Variants in DNAH7 observed in about 807,000 individuals in gnomAD.
DNAH7 encodes the protein axonemal beta dynein heavy chain 7.
A neutral mutation model predicts 444.6 loss-of-function variants in DNAH7; 397 were observed. The observed-to-expected ratio is 0.89, with a 90% CI of 0.82 to 0.97. The LOEUF (loss-of-function observed/expected upper bound fraction) is 0.97. Ranked by LOEUF, DNAH7 falls within the 50% of genes least tolerant of loss-of-function variation. The pLI is 0.00. For missense variants in DNAH7, 4,902 were observed against 4,800.8 expected (o/e 1.02, Z -0.62); for synonymous variants, 1,636 against 1,624.4 (o/e 1.01, Z -0.17).
chr2:195,994,276 G>T (rs907669792), intron 12 of DNAH7: 2 of 404,574 alleles, frequency 4.9e-6, no homozygotes, highest in South Asian at 5.1e-5. Context: ...TCCACCAGTG[G>T]AAGCTTTTCC....
At position 196,026,772 on chromosome 2, in the gene DNAH7, T is replaced by G; in HGVS notation, c.655A>C (p.Arg219=). The part of the protein sequence containing the change: ...EMREDYLLSV[R]KSIVDFVLKD... The stretch of plus-strand genomic sequence containing the variant: ...AATACCAATTTACCTATGGATTTCC[T>G]TACACTAAGAAGATAATCCTCTCTC... The change falls in exon 7 of 65, where the codon AGG becomes CGG. Residue 219 remains arginine, a synonymous_variant. Transcript: ENST00000312428. The G allele has an allele frequency of 6.2e-7, 1 of 1,609,298 alleles. No individual in the cohort carries two copies. Among genetic ancestry groups the G allele is most frequent in the Non-Finnish European group, 8.5e-7 (1 of 1,176,880 alleles).
chr2:196,026,841 G>T lies in DNAH7; in HGVS notation c.586C>A (p.Leu196Met). ...EHVLDLVPQH[L>M]KVFTDSIVTL... ...ACTATGCTGTCAGTGAAGACTTTCA[G>T]ATGTTGTGGAACTAAATCCAGTACG... Residue 196 changes from leucine (L) to methionine (M), a missense_variant, in exon 7 of 65, where the codon CTG becomes ATG. Transcript: ENST00000312428. 1 of 1,612,508 alleles carries T rather than the reference G, an allele frequency of 6.2e-7. No homozygotes were observed. Among genetic ancestry groups the T allele is most frequent in the South Asian group, 1.1e-5 (1 of 91,018 alleles).
chr2:195,742,471 A>C (rs968094451), intron 63 of DNAH7, among the ~76,000 whole-genome samples: 4 of 152,236 alleles, frequency 2.6e-5, no homozygotes, highest in Admixed American at 2.6e-4. Flanking sequence ...TTCAACACCT[A>C]GAAAAGTGGT....
At chr2:195,813,554 C>T (rs181283993) in intron 51 of DNAH7, among the ~76,000 whole-genome samples, 49 of 152,254 alleles carry the variant, frequency 3.2e-4, no homozygotes, top group African/African-American at 1.0e-3. Context: ...CATACAGATA[C>T]GAAAAGTTTG....
chr2:196,040,356 A>T (rs1696661754), intron 5 of DNAH7, among the ~76,000 whole-genome samples: 1 of 152,148 alleles, frequency 6.6e-6, no homozygotes, highest in Non-Finnish European at 1.5e-5. Flanking sequence ...TAATACATCA[A>T]AAAGATAATA....
intron 48 of DNAH7, among the ~76,000 whole-genome samples, chr2:195,829,515 A>G (rs1020453797): frequency 2.0e-5 from 3 of 152,102 alleles, no homozygotes; most frequent in African/African-American, 7.2e-5. Flanking sequence ...TCATATTTTT[A>G]AAATCTAATT....
chr2:195,987,000 G>A, intron 14 of DNAH7, 66 bp downstream of exon 14: 1 of 1,373,980 alleles, frequency 7.3e-7, no homozygotes, highest in Admixed American at 2.5e-5. Flanking sequence ...TACTCTAGTT[G>A]AGTGACAGCT....
At chr2:195,801,591 A>G (rs1374753772) in intron 54 of DNAH7, among the ~76,000 whole-genome samples, 2 of 152,178 alleles carry the variant, frequency 1.3e-5, no homozygotes, top group African/African-American at 2.4e-5. Context: ...ACACTGCACT[A>G]TGTAGACAAT....
In DNAH7 at chr2:195,962,363, T is replaced by C. The variant is rs574879641; in HGVS notation, c.2206-1418A>G. ...CAATTATACACTTTTGGTTGGTTGG[T>C]TGTTGTTGAGACAGTCTTGCTCTGT... On this transcript the variant is annotated intron_variant, in intron 17 of 64. Transcript: ENST00000312428. Among the ~76,000 whole-genome samples the C allele has an allele frequency of 2.0e-5, 3 of 152,318 alleles. No individual in the cohort carries two copies. In the South Asian group the frequency reaches 6.2e-4, roughly 32 times the overall value.
rs1697605693 is a variant in DNAH7 at position 195,824,259 on chromosome 2, ACTGATGTTTC to A, written c.9277_9286del (p.Glu3093Ter). ...ACATTCATTTTATATACTGGCCTTTACTGATGTTTCAGGAAGATAATGAGGATTTCTTAAC... is the reference window on the plus strand; with the variant it reads ...ACATTCATTTTATATACTGGCCTTTAAGGAAGATAATGAGGATTTCTTAAC... On this transcript the variant is annotated frameshift_variant, in exon 49 of 65. Transcript: ENST00000312428. LOFTEE classifies it high-confidence loss of function. The A allele has an allele frequency of 3.1e-6, 5 of 1,611,542 alleles. No homozygotes were observed. In the African/African-American group the frequency reaches 4.0e-5, roughly 13 times the overall value.
rs67782183 is a variant in DNAH7 at position 195,950,851 on chromosome 2, C to CAAAAAAAAAAAAAAA, written c.3078+6395_3078+6409dup. 6.5e-4 allele frequency among the ~76,000 whole-genome samples: 24 copies of CAAAAAAAAAAAAAAA among 36,718 alleles called. 3 individuals are homozygous for CAAAAAAAAAAAAAAA. The East Asian group carries it at 0.015, about 24-fold the overall frequency. 24.1% of individuals were successfully genotyped at this position (36,718 alleles called of 152,430 possible). ...TAGGCAACAGAGTGGGACTCTGTCTCAAAAAAAAAAAAAAAAAAAAAAAAA... is the reference window on the plus strand; with the variant it reads ...TAGGCAACAGAGTGGGACTCTGTCTCAAAAAAAAAAAAAAAAAAAAAAAAAAAAAAAAAAAAAAAA... On this transcript the variant is annotated intron_variant, in intron 19 of 64. Coordinates refer to ENST00000312428, the MANE Select transcript of DNAH7 (RefSeq NM_018897.3).
In DNAH7 at chr2:195,905,980, C is replaced by A. The variant is rs1037994100; in HGVS notation, c.4335+679G>T. On this transcript the variant is annotated intron_variant, in intron 27 of 64. Coordinates refer to ENST00000312428, the MANE Select transcript of DNAH7 (RefSeq NM_018897.3). ...TGATATTATTTATAATGCAGGAAAA[C>A]TGAAAGCACACTGAATGTCCAAAAG... Among the ~76,000 whole-genome samples, 56 of 151,870 alleles carry A rather than the reference C, an allele frequency of 3.7e-4. 2 individuals are homozygous for A. The highest frequency in any genetic ancestry group is 4.4e-5 in the Non-Finnish European group (3 of 67,976).
At position 196,026,755 on chromosome 2, in the gene DNAH7, T is replaced by G. The variant is rs1164803564; in HGVS notation, c.667+5A>C. 6.3e-7 allele frequency: 1 copy of G among 1,593,516 alleles called. No individual in the cohort carries two copies. Among genetic ancestry groups the G allele is most frequent in the Non-Finnish European group, 8.6e-7 (1 of 1,164,774 alleles). On this transcript the variant is annotated splice_donor_5th_base_variant and intron_variant, in intron 7 of 64. Coordinates refer to ENST00000312428, the MANE Select transcript of DNAH7 (RefSeq NM_018897.3). ...ATTAAAAATCAAAGCATAATACCAA[T>G]TTACCTATGGATTTCCTTACACTAA...
At chr2:196,066,904 G>A (rs1698457134) in intron 1 of DNAH7, among the ~76,000 whole-genome samples, 1 of 152,170 alleles carries the variant, frequency 6.6e-6, no homozygotes, top group Non-Finnish European at 1.5e-5. Flanking sequence ...CCAAAGGAAA[G>A]CTACACTCTA....
intron 45 of DNAH7, 73 bp from the exon 46 acceptor site, chr2:195,853,601 TCAG>T: frequency 7.1e-7 from 1 of 1,399,418 alleles, no homozygotes; most frequent in Non-Finnish European, 9.6e-7. Flanking sequence ...GATTTTACCC[TCAG>T]AAGTGAATTA....
chr2:195,761,436 C>A (rs4850374), intron 61 of DNAH7, among the ~76,000 whole-genome samples: 69,582 of 151,880 alleles, frequency 0.46, 17,318 homozygotes, highest in Non-Finnish European at 0.57. Flanking sequence ...GCAGTAGTAA[C>A]AAAGGACTTC....
intron 24 of DNAH7, among the ~76,000 whole-genome samples, chr2:195,910,656 T>TTTATTTATTTATAA (rs1380900410): frequency 1.1e-4 from 16 of 152,096 alleles, no homozygotes; most frequent in African/African-American, 3.9e-4. Flanking sequence ...AATAAATGAG[T>TTTATTTATTTATAA]ATATTTATGC....
intron 6 of DNAH7, among the ~76,000 whole-genome samples, chr2:196,027,268 TTTA>T (rs1464985985): frequency 2.6e-5 from 4 of 152,018 alleles, no homozygotes; most frequent in African/African-American, 9.6e-5. Context: ...TTTTTCTCTT[TTTA>T]TTATTATCAG....
At chr2:195,941,590 TA>T (rs990116699) in intron 19 of DNAH7, among the ~76,000 whole-genome samples, 1 of 150,316 alleles carries the variant, frequency 6.7e-6, no homozygotes, top group East Asian at 2.0e-4. Flanking sequence ...TAATAAAAAA[TA>T]AAAAAAGAGA....
Sources: gnomAD v4.1 joint callset for allele counts (sites outside exome capture counted in the v4.1 genomes callset) on GRCh38, gnomAD v4.1.1 for gene constraint, MANE v1.5 for transcripts, NCBI Gene and HGNC (gene_info 2026-07-23, HGNC 2026-07-21) for gene names.